Variants in SLC25A26 observed in about 807,000 individuals in gnomAD.
SLC25A26 encodes the protein mitochondrial S-adenosylmethionine carrier protein.
A neutral mutation model predicts 37.8 loss-of-function variants in SLC25A26; 36 were observed. The ratio of observed to expected loss-of-function variants is 0.95; its 90% CI spans 0.73 to 1.26. The LOEUF is 1.26. Among genes scored for constraint, SLC25A26 ranks in the 50% most tolerant of loss-of-function variants. SLC25A26 has a pLI of 0.00. For synonymous variants in SLC25A26, 129 were observed against 122.5 expected (o/e 1.05, Z -0.35); for missense variants, 390 against 331.1 (o/e 1.18, Z -1.38).
At chr3:66,250,653 T>C (rs202237769) in intron 3 of SLC25A26, among the ~76,000 whole-genome samples, 2 of 71,504 alleles carry the variant, frequency 2.8e-5, no homozygotes, top group African/African-American at 1.5e-4. Flanking sequence ...TTTCAACTTA[T>C]GATGGGTTTA....
intron 5 of SLC25A26, among the ~76,000 whole-genome samples, chr3:66,332,078 C>T (rs902246095): frequency 1.1e-4 from 16 of 151,896 alleles, no homozygotes; most frequent in East Asian, 1.9e-4. Flanking sequence ...ATTACAGGTG[C>T]GCGACACCAA....
chr3:66,142,539 G>A (rs1315219085), intron 1 of SLC25A26, among the ~76,000 whole-genome samples: 1 of 152,106 alleles, frequency 6.6e-6, no homozygotes, highest in Non-Finnish European at 1.5e-5. Flanking sequence ...CTGTCTCTAA[G>A]GACACAGGAA....
intron 1 of SLC25A26, among the ~76,000 whole-genome samples, chr3:66,193,884 G>A (rs2070992786): frequency 6.6e-6 from 1 of 152,174 alleles, no homozygotes; most frequent in African/African-American, 2.4e-5. Flanking sequence ...CAGAGAGGCT[G>A]TTCCTAACTG....
chr3:66,211,971 T>C (rs1361287195), intron 1 of SLC25A26, among the ~76,000 whole-genome samples: 6 of 152,210 alleles, frequency 3.9e-5, no homozygotes, highest in African/African-American at 1.4e-4. Context: ...TCTCCCCTTA[T>C]CTGCAGTTTC....
Position 66,206,944 on chromosome 3 carries a change from G to A in SLC25A26, c.-353-13798G>A, listed in dbSNP as rs1453526185. Reference sequence around the variant, plus strand: ...ACGGAGTTTTGCCATGTTGCCTGGCGGGGGAGGTGCTGGTCTTGAACTCCT... The same window carrying A: ...ACGGAGTTTTGCCATGTTGCCTGGCAGGGGAGGTGCTGGTCTTGAACTCCT... On this transcript the variant is annotated intron_variant, in intron 1 of 10. Transcript: ENST00000676754. Among the ~76,000 whole-genome samples, 25 of 149,264 alleles carry A rather than the reference G, an allele frequency of 1.7e-4. No individual in the cohort carries two copies. In the East Asian group the frequency reaches 2.7e-3, roughly 16 times the overall value.
At chr3:66,168,500 C>A (rs1465169444) in intron 1 of SLC25A26, among the ~76,000 whole-genome samples, 1 of 152,036 alleles carries the variant, frequency 6.6e-6, no homozygotes, top group Non-Finnish European at 1.5e-5. Flanking sequence ...CTTTGTAAGG[C>A]ATTTTTAGAA....
intron 1 of SLC25A26, among the ~76,000 whole-genome samples, chr3:66,192,083 G>A (rs879049696): frequency 0.54 from 82,365 of 151,700 alleles, 23,051 homozygotes; most frequent in East Asian, 0.76. Context: ...TTGAGAGGCC[G>A]AGGCAGGCAG....
At chr3:66,261,921 A>G in intron 3 of SLC25A26, 130 bp from the exon 4 acceptor site, 1 of 628,660 alleles carries the variant, frequency 1.6e-6, no homozygotes. Flanking sequence ...AAAAAAAAAA[A>G]AGAAACTTTT....
intron 1 of SLC25A26, among the ~76,000 whole-genome samples, chr3:66,191,254 G>C (rs1036119100): frequency 1.3e-5 from 2 of 152,168 alleles, no homozygotes; most frequent in Non-Finnish European, 2.9e-5. Flanking sequence ...AACTAGCCAG[G>C]TATGGTAACA....
intron 5 of SLC25A26, among the ~76,000 whole-genome samples, chr3:66,265,571 G>A (rs891635394): frequency 6.6e-6 from 1 of 152,148 alleles, no homozygotes; most frequent in Non-Finnish European, 1.5e-5. Flanking sequence ...GTATTTGACC[G>A]AATACTGAAA....
chr3:66,196,622 G>A (rs1414047406), intron 1 of SLC25A26, among the ~76,000 whole-genome samples: 1 of 151,974 alleles, frequency 6.6e-6, no homozygotes, highest in Non-Finnish European at 1.5e-5. Flanking sequence ...TTTAACTATA[G>A]CCTTAAAATA....
At chr3:66,236,884 G>A in intron 2 of SLC25A26, 184 bp downstream of exon 2, 1 of 207,394 alleles carries the variant, frequency 4.8e-6, no homozygotes, top group Non-Finnish European at 8.4e-6. Flanking sequence ...TCGCCCAGGT[G>A]GGAATGCAGT....
rs1343008590 is a variant in SLC25A26 at position 66,299,309 on chromosome 3, C to T, written c.453+35930C>T. Reference sequence around the variant, plus strand: ...TGGGTTCCAAGCGATTCTCATGTCTCAGCCTCCCGAGTAGCTGGGACTACA... The same window carrying T: ...TGGGTTCCAAGCGATTCTCATGTCTTAGCCTCCCGAGTAGCTGGGACTACA... On this transcript the variant is annotated intron_variant, in intron 5 of 9. Coordinates refer to ENST00000354883, the MANE Select transcript of SLC25A26 (RefSeq NM_001379210.1). 3.3e-5 allele frequency among the ~76,000 whole-genome samples: 5 copies of T among 152,146 alleles called. No individual in the cohort carries two copies. In the East Asian group the frequency reaches 9.6e-4, roughly 29 times the overall value.
chr3:66,351,448 A>G (rs2076451265), intron 6 of SLC25A26, among the ~76,000 whole-genome samples: 1 of 152,198 alleles, frequency 6.6e-6, no homozygotes, highest in Non-Finnish European at 1.5e-5. Flanking sequence ...GCCCAACAAG[A>G]AGAGAAGCAT....
intron 3 of SLC25A26, among the ~76,000 whole-genome samples, chr3:66,245,448 C>A (rs13089639): frequency 2.0e-5 from 3 of 151,868 alleles, no homozygotes; most frequent in African/African-American, 2.4e-5. Flanking sequence ...TCTTATTAAA[C>A]CCCCATCCTT....
At chr3:66,316,766 G>C (rs570596480) in intron 5 of SLC25A26, among the ~76,000 whole-genome samples, 8 of 151,994 alleles carry the variant, frequency 5.3e-5, no homozygotes, top group African/African-American at 1.9e-4. Context: ...TCAGCTGTAG[G>C]TTTGGTTTTT....
intron 1 of SLC25A26, among the ~76,000 whole-genome samples, chr3:66,167,849 G>T (rs2070445141): frequency 6.6e-6 from 1 of 152,004 alleles, no homozygotes; most frequent in Non-Finnish European, 1.5e-5. Context: ...TTTCAATATG[G>T]GTTAAAAATA....
intron 1 of SLC25A26, among the ~76,000 whole-genome samples, chr3:66,209,929 T>TATATAC (rs2071261069): frequency 1.3e-5 from 1 of 76,004 alleles, no homozygotes; most frequent in Non-Finnish European, 2.4e-5. Flanking sequence ...TATATATATA[T>TATATAC]ATATATATAT....
At chr3:66,160,911 G>A (rs2070349744) in intron 1 of SLC25A26, among the ~76,000 whole-genome samples, 1 of 152,006 alleles carries the variant, frequency 6.6e-6, no homozygotes, top group South Asian at 2.1e-4. Flanking sequence ...CTCCAGCCTG[G>A]GCAACAGAGC....
Sources: allele counts gnomAD v4.1 joint callset (sites outside exome capture counted in the v4.1 genomes callset), GRCh38; gene constraint gnomAD v4.1.1; transcripts MANE v1.5; gene names NCBI Gene and HGNC (gene_info 2026-07-23, HGNC 2026-07-21).